PPP2R2B: variants seen among roughly 807,000 people sequenced by gnomAD.
The protein encoded by PPP2R2B is serine/threonine-protein phosphatase 2A 55 kDa regulatory subunit B beta isoform.
A neutral mutation model predicts 46.0 loss-of-function variants in PPP2R2B; 5 were observed. The ratio of observed to expected loss-of-function variants is 0.11; its 90% CI spans 0.06 to 0.23. The LOEUF (loss-of-function observed/expected upper bound fraction) is 0.23, where lower values mean the gene tolerates loss of function less well. PPP2R2B is among the 10% of genes least tolerant of loss of function. The pLI, the probability that PPP2R2B is intolerant of heterozygous loss-of-function variation, is 1.00. For missense variants in PPP2R2B, 367 were observed against 575.0 expected, an observed-to-expected ratio of 0.64 and a Z score of 3.70; for synonymous variants, 215 against 206.7, an observed-to-expected ratio of 1.04 and a Z score of -0.34.
At chr5:146,756,643 C>T (rs528822389) in intron 2 of PPP2R2B, among the ~76,000 whole-genome samples, 1 of 152,228 alleles carries the variant, frequency 6.6e-6, no homozygotes, top group South Asian at 2.1e-4. Flanking sequence ...TATTTAAAAC[C>T]CTTTAACTTA....
chr5:146,934,308 AG>A (rs1173725186), intron 1 of PPP2R2B, among the ~76,000 whole-genome samples: 1 of 151,286 alleles, frequency 6.6e-6, no homozygotes, highest in East Asian at 1.9e-4. Flanking sequence ...ACAGTGTAAA[AG>A]TGTTCCTATT....
intron 1 of PPP2R2B, chr5:147,054,705 CAGCTCAGT>C: frequency 2.2e-6 from 1 of 456,138 alleles, no homozygotes; most frequent in South Asian, 1.5e-5. Context: ...GGCTGGTCGC[CAGCTCAGT>C]TCCAAGAGAG....
intron 5 of PPP2R2B, among the ~76,000 whole-genome samples, chr5:146,690,815 C>G (rs77956969): frequency 0.031 from 4,657 of 152,312 alleles, 88 homozygotes; most frequent in African/African-American, 0.047. Context: ...CCTGTACCTT[C>G]AGTACAGAAG....
intron 7 of PPP2R2B, among the ~76,000 whole-genome samples, chr5:146,632,335 A>G (rs1199591101): frequency 1.3e-5 from 2 of 152,126 alleles, no homozygotes; most frequent in Admixed American, 1.3e-4. Context: ...GAAGAAACCA[A>G]CCCTGCCAAC....
intron 1 of PPP2R2B, among the ~76,000 whole-genome samples, chr5:146,983,558 T>A (rs1481738485): frequency 6.6e-6 from 1 of 152,196 alleles, no homozygotes; most frequent in Non-Finnish European, 1.5e-5. Flanking sequence ...TATCACACTC[T>A]CCTGGGGGCG....
At chr5:146,766,824 C>T (rs920470206) in intron 2 of PPP2R2B, among the ~76,000 whole-genome samples, 29 of 152,000 alleles carry the variant, frequency 1.9e-4, no homozygotes, top group Admixed American at 1.4e-3. Context: ...GAGGCCAAGG[C>T]GGGAGAATCA....
intron 2 of PPP2R2B, among the ~76,000 whole-genome samples, chr5:146,843,519 A>C (rs147489272): frequency 1.3e-5 from 2 of 152,316 alleles, no homozygotes; most frequent in East Asian, 3.9e-4. Context: ...TAACAGATTA[A>C]TGTAGGATTA....
At chr5:146,709,427 G>A (rs948259247) in intron 2 of PPP2R2B, among the ~76,000 whole-genome samples, 1 of 152,112 alleles carries the variant, frequency 6.6e-6, no homozygotes, top group Non-Finnish European at 1.5e-5. Context: ...CACTGTAGAG[G>A]CTGGAAAACC....
intron 1 of PPP2R2B, among the ~76,000 whole-genome samples, chr5:146,936,514 C>CAA (rs1227977864): frequency 9.0e-4 from 91 of 101,660 alleles, no homozygotes; most frequent in African/African-American, 2.2e-3. Flanking sequence ...GATGGTTTCT[C>CAA]AAAAAAAAAA....
At chr5:146,728,116 A>T (rs1209760112) in intron 2 of PPP2R2B, among the ~76,000 whole-genome samples, 2 of 142,500 alleles carry the variant, frequency 1.4e-5, no homozygotes, top group East Asian at 4.2e-4. Flanking sequence ...TTCTCTGAAT[A>T]TGATGGCTAG....
intron 1 of PPP2R2B, among the ~76,000 whole-genome samples, chr5:146,889,756 T>A (rs1258365235): frequency 6.6e-6 from 1 of 152,216 alleles, no homozygotes; most frequent in African/African-American, 2.4e-5. Flanking sequence ...CTGAGAATAA[T>A]TTTAGAAACC....
At chr5:146,811,516 C>T (rs1216518784) in intron 2 of PPP2R2B, among the ~76,000 whole-genome samples, 1 of 151,414 alleles carries the variant, frequency 6.6e-6, no homozygotes, top group Non-Finnish European at 1.5e-5. Flanking sequence ...TTGATTTTTC[C>T]CAATAGACTG....
chr5:146,951,804 A>T (rs984919176), intron 1 of PPP2R2B, among the ~76,000 whole-genome samples: 1 of 152,092 alleles, frequency 6.6e-6, no homozygotes, highest in African/African-American at 2.4e-5. Flanking sequence ...TATTGTGAAT[A>T]GTGTAGCAAT....
chr5:146,840,326 T>TC (rs1430278660), intron 2 of PPP2R2B, among the ~76,000 whole-genome samples: 1 of 147,722 alleles, frequency 6.8e-6, no homozygotes, highest in African/African-American at 2.7e-5. Flanking sequence ...CTTGGAATCT[T>TC]TTTTTTTACA....
chr5:147,033,326 T>G (rs1280993152), intron 1 of PPP2R2B, among the ~76,000 whole-genome samples: 1 of 152,182 alleles, frequency 6.6e-6, no homozygotes, highest in African/African-American at 2.4e-5. Flanking sequence ...CATGGCCTAT[T>G]TGATGTCACT....
In PPP2R2B at chr5:146,722,578, A is replaced by C. The variant is rs180769349; in HGVS notation, c.71-21436T>G. The stretch of plus-strand genomic sequence containing the variant: ...CAAAATATGCTACAAAGAATAAGAA[A>C]AACAGCTTCATCTAACAGAAGTAGG... On this transcript the variant is annotated intron_variant, in intron 2 of 9. Transcript: ENST00000394411. Among the ~76,000 whole-genome samples, 932 of 152,326 alleles carry C rather than the reference A, an allele frequency of 6.1e-3. 5 individuals carry two copies. Among genetic ancestry groups the C allele is most frequent in the Non-Finnish European group, 0.01 (708 of 68,028 alleles).
chr5:146,933,682 TTTTTC>T (rs1339315200), intron 1 of PPP2R2B, among the ~76,000 whole-genome samples: 1 of 151,974 alleles, frequency 6.6e-6, no homozygotes, highest in Non-Finnish European at 1.5e-5. Context: ...TTAAGTTTTT[TTTTTC>T]TTTTATTATT....
At chr5:147,047,003 C>G (rs1756574820) in intron 1 of PPP2R2B, among the ~76,000 whole-genome samples, 2 of 152,046 alleles carry the variant, frequency 1.3e-5, no homozygotes, top group Admixed American at 1.3e-4. Flanking sequence ...CCAACACCAC[C>G]AAGTTTCATT....
intron 2 of PPP2R2B, among the ~76,000 whole-genome samples, chr5:146,761,992 A>C (rs1754194901): frequency 6.6e-6 from 1 of 152,168 alleles, no homozygotes; most frequent in Non-Finnish European, 1.5e-5. Flanking sequence ...CAAGCACTAC[A>C]TTTCCAATCT....
Sources: allele counts gnomAD v4.1 joint callset (sites outside exome capture counted in the v4.1 genomes callset), GRCh38; gene constraint gnomAD v4.1.1; transcripts MANE v1.5; gene names NCBI Gene and HGNC (gene_info 2026-07-23, HGNC 2026-07-21).